Variants in ABCA13 observed in about 807,000 individuals in gnomAD.
ABCA13 encodes ATP binding cassette subfamily A member 13.
ABCA13 carries 476 observed loss-of-function variants against 478.7 expected under a neutral mutation model. That is an observed-to-expected ratio of 0.99 (90% CI 0.92 to 1.07). The LOEUF (loss-of-function observed/expected upper bound fraction) is 1.07. Ranked by LOEUF, ABCA13 falls within the 50% of genes least tolerant of loss-of-function variation. ABCA13 has a pLI of 0.00. For missense variants in ABCA13, 6,060 were observed against 5,910.6 expected, an observed-to-expected ratio of 1.03 and a Z score of -0.83; for synonymous variants, 2,252 against 2,158.9, an observed-to-expected ratio of 1.04 and a Z score of -1.20.
chr7:48,442,160 A>G (rs1823692803), intron 42 of ABCA13, among the ~76,000 whole-genome samples: 1 of 152,208 alleles, frequency 6.6e-6, no homozygotes, highest in South Asian at 2.1e-4. Context: ...GGGTTGAGGA[A>G]TCAACCAGTC....
At chr7:48,484,471 A>T (rs1829090864) in intron 47 of ABCA13, among the ~76,000 whole-genome samples, 1 of 152,250 alleles carries the variant, frequency 6.6e-6, no homozygotes, top group Non-Finnish European at 1.5e-5. Context: ...AATATACCTA[A>T]TTAGTAGAAG....
intron 3 of ABCA13, among the ~76,000 whole-genome samples, chr7:48,210,281 C>G (rs1338215189): frequency 6.6e-6 from 1 of 152,098 alleles, no homozygotes. Context: ...AACTCACTCA[C>G]TATCATGAGA....
chr7:48,636,705 T>TGAA (rs1794666746), intron 59 of ABCA13, among the ~76,000 whole-genome samples: 1 of 152,144 alleles, frequency 6.6e-6, no homozygotes, highest in African/African-American at 2.4e-5. Context: ...AATGTGGGCC[T>TGAA]GAAGAGAGAA....
intron 23 of ABCA13, among the ~76,000 whole-genome samples, chr7:48,304,307 G>C (rs1800579594): frequency 6.6e-6 from 1 of 152,186 alleles, no homozygotes; most frequent in Non-Finnish European, 1.5e-5. Context: ...GAAGTTGGTG[G>C]AGAAGGTGGC....
At chr7:48,187,336 G>A (rs1388606087) in intron 1 of ABCA13, among the ~76,000 whole-genome samples, 3 of 147,960 alleles carry the variant, frequency 2.0e-5, no homozygotes, top group Non-Finnish European at 4.5e-5. Flanking sequence ...TCAGTAGCTT[G>A]AAGTTTAATG....
At chr7:48,355,342 C>T (rs1165472893) in intron 31 of ABCA13, among the ~76,000 whole-genome samples, 1 of 151,740 alleles carries the variant, frequency 6.6e-6, no homozygotes, top group Non-Finnish European at 1.5e-5. Flanking sequence ...ATGCAAAGGC[C>T]CTGTGGTAGG....
At chr7:48,264,020 A>G (rs1794549691) in intron 15 of ABCA13, among the ~76,000 whole-genome samples, 1 of 151,904 alleles carries the variant, frequency 6.6e-6, no homozygotes. Flanking sequence ...TTCATTTTGT[A>G]GAGATTTTTA....
chr7:48,434,766 T>G lies in ABCA13; in HGVS notation c.12565+6895T>G, dbSNP rs1822604232. On this transcript the variant is annotated intron_variant, in intron 42 of 61. Coordinates refer to ENST00000435803, the MANE Select transcript of ABCA13 (RefSeq NM_152701.5). Reference sequence around the variant, plus strand: ...CCCCACATCAGTTATGGAAATGACTTTTTCTCACTGAATGGTTTTGGCTCA... The same window carrying G: ...CCCCACATCAGTTATGGAAATGACTGTTTCTCACTGAATGGTTTTGGCTCA... 2.0e-5 allele frequency among the ~76,000 whole-genome samples: 3 copies of G among 151,976 alleles called. 1 individual carries two copies. The highest frequency in any genetic ancestry group is 7.2e-5 in the African/African-American group (3 of 41,464).
At chr7:48,477,203 G>A (rs573407294) in intron 45 of ABCA13, among the ~76,000 whole-genome samples, 2 of 152,260 alleles carry the variant, frequency 1.3e-5, no homozygotes, top group South Asian at 4.1e-4. Context: ...ATGAGACCAA[G>A]GATATTTTCT....
intron 3 of ABCA13, among the ~76,000 whole-genome samples, chr7:48,207,258 A>G (rs1423653780): frequency 6.6e-6 from 1 of 152,076 alleles, no homozygotes; most frequent in Non-Finnish European, 1.5e-5. Context: ...ATGCTGCAGT[A>G]AACATGAGAG....
chr7:48,478,137 A>G (rs1828340806), intron 45 of ABCA13, among the ~76,000 whole-genome samples: 1 of 150,270 alleles, frequency 6.7e-6, no homozygotes, highest in Non-Finnish European at 1.5e-5. Context: ...TGAGAAGCAG[A>G]AGTTATATAT....
At chr7:48,347,355 C>T (rs1283352892) in intron 29 of ABCA13, among the ~76,000 whole-genome samples, 1 of 152,196 alleles carries the variant, frequency 6.6e-6, no homozygotes, top group Non-Finnish European at 1.5e-5. Context: ...CTTCTCAAGG[C>T]TCATCCAGGA....
At chr7:48,366,087 C>T (rs1811622920) in intron 31 of ABCA13, among the ~76,000 whole-genome samples, 1 of 152,134 alleles carries the variant, frequency 6.6e-6, no homozygotes, top group Non-Finnish European at 1.5e-5. Flanking sequence ...CACTACTTGT[C>T]TTCAAAATAT....
intron 55 of ABCA13, among the ~76,000 whole-genome samples, chr7:48,563,705 T>C (rs59243715): frequency 0.14 from 21,060 of 151,986 alleles, 1,833 homozygotes; most frequent in African/African-American, 0.23. Context: ...AAGTCTTTAA[T>C]TGGAAGCAAG....
rs762506178 is a variant in ABCA13, at chr7:48,276,217, C to A, written c.6551C>A (p.Ala2184Asp). 2 of 1,579,892 alleles carry A rather than the reference C, an allele frequency of 1.3e-6. No individual in the cohort carries two copies. Among genetic ancestry groups the A allele is most frequent in the African/African-American group, 1.3e-5 (1 of 74,252 alleles). ...TCTAGAGCAGGCAATTTTGATGTTG[C>A]CTTTCTTACCCATCTGCTAAATCAA... ...NISRAGNFDVAFLTHLLNQEQ... is the reference protein window; with the variant it reads ...NISRAGNFDVDFLTHLLNQEQ... Residue 2184 changes from alanine (A) to aspartate (D), a missense_variant, in exon 17 of 62, where the codon GCC becomes GAC. Coordinates refer to ENST00000435803, the MANE Select transcript of ABCA13 (RefSeq NM_152701.5).
At position 48,272,554 on chromosome 7, in the gene ABCA13, A is replaced by G. The variant is rs1020954302; in HGVS notation, c.2888A>G (p.Gln963Arg). 1 of 1,613,670 alleles carries G rather than the reference A, an allele frequency of 6.2e-7. No individual in the cohort carries two copies. The highest frequency in any genetic ancestry group is 1.3e-5 in the African/African-American group (1 of 74,924). The change falls in exon 17 of 62, where the codon CAA becomes CGA. Residue 963 changes from glutamine (Q) to arginine (R), a missense_variant. Around this residue, in one of 3 missense-constraint regions of ABCA13, gnomAD observed 4,423 missense variants for 4,309.1 expected, o/e 1.03. Coordinates refer to ENST00000435803, the MANE Select transcript of ABCA13 (RefSeq NM_152701.5). ...GACAAGGATTCAGCTTTACTTCTGC[A>G]AATTTATTCTTCATTTTACCGATAT... ...FQDKDSALLL[Q>R]IYSSFYRYIY...
intron 32 of ABCA13, among the ~76,000 whole-genome samples, chr7:48,371,573 G>A (rs1213625783): frequency 2.0e-5 from 3 of 152,034 alleles, no homozygotes; most frequent in East Asian, 3.9e-4. Flanking sequence ...GTTCATTCAC[G>A]ATTTGGCTCT....
intron 38 of ABCA13, among the ~76,000 whole-genome samples, chr7:48,401,744 AACACACACAC>A (rs55694821): frequency 6.9e-6 from 1 of 143,894 alleles, no homozygotes; most frequent in African/African-American, 2.6e-5. Context: ...AGAATTTTAA[AACACACACAC>A]ACACACACAC....
intron 2 of ABCA13, among the ~76,000 whole-genome samples, chr7:48,193,808 T>C (rs1298943420): frequency 1.5e-4 from 1 of 6,890 alleles, no homozygotes; most frequent in Non-Finnish European, 3.6e-4. Flanking sequence ...GAGATGATGA[T>C]TGGGAAAATA....
Sources: gnomAD v4.1 joint callset for allele counts (sites outside exome capture counted in the v4.1 genomes callset) on GRCh38, gnomAD v4.1.1 for gene constraint, gnomAD v4.1.1 regional missense constraint, MANE v1.5 for transcripts, NCBI Gene and HGNC (gene_info 2026-07-23, HGNC 2026-07-21) for gene names.